SUGCT: variants seen among roughly 807,000 people sequenced by gnomAD.
The protein encoded by SUGCT is succinyl-CoA:glutarate CoA-transferase.
In SUGCT, 41 loss-of-function variants were observed where a neutral mutation model predicts 55.0. The ratio of observed to expected loss-of-function variants is 0.74; its 90% confidence interval spans 0.58 to 0.97. The LOEUF (loss-of-function observed/expected upper bound fraction) is 0.97, where lower values mean the gene tolerates loss of function less well. Ranked by LOEUF, SUGCT falls within the 50% of genes least tolerant of loss-of-function variation. The pLI is 0.00. For synonymous variants in SUGCT, 187 were observed against 200.4 expected, an observed-to-expected ratio of 0.93 and a Z score of 0.56; for missense variants, 568 against 547.8, an observed-to-expected ratio of 1.04 and a Z score of -0.37.
intron 8 of SUGCT, among the ~76,000 whole-genome samples, chr7:40,289,737 A>G (rs1165392822): frequency 6.6e-6 from 1 of 152,180 alleles, no homozygotes; most frequent in Admixed American, 6.5e-5. Context: ...AGATGACATG[A>G]TTGTATATCT....
chr7:40,681,265 G>T (rs1306048874), intron 12 of SUGCT, among the ~76,000 whole-genome samples: 1 of 152,026 alleles, frequency 6.6e-6, no homozygotes, highest in African/African-American at 2.4e-5. Context: ...GGAACTTTCA[G>T]CCCCACTTCC....
intron 11 of SUGCT, among the ~76,000 whole-genome samples, chr7:40,488,659 A>G (rs1194585936): frequency 6.6e-6 from 1 of 152,066 alleles, no homozygotes; most frequent in African/African-American, 2.4e-5. Flanking sequence ...GTAAGGCAGG[A>G]TGGATTTCCT....
intron 1 of SUGCT, among the ~76,000 whole-genome samples, chr7:40,139,989 G>A (rs187943797): frequency 5.9e-4 from 90 of 151,606 alleles, no homozygotes; most frequent in Middle Eastern, 3.4e-3. Context: ...TGCAGCCTCC[G>A]CCTCCTGGGT....
At chr7:40,192,689 T>G (rs1380195903) in intron 5 of SUGCT, among the ~76,000 whole-genome samples, 2 of 148,636 alleles carry the variant, frequency 1.3e-5, no homozygotes, top group African/African-American at 5.0e-5. Flanking sequence ...TAGGGTACAA[T>G]GGTGCGATCT....
chr7:40,417,995 A>G (rs981969061), intron 9 of SUGCT, among the ~76,000 whole-genome samples: 3 of 152,042 alleles, frequency 2.0e-5, no homozygotes, highest in African/African-American at 2.4e-5. Flanking sequence ...TATATTTCAC[A>G]CGAGTCAAAG....
the SUGCT span, among the ~76,000 whole-genome samples, chr7:40,982,705 C>T: frequency 6.6e-6 from 1 of 152,012 alleles, no homozygotes; most frequent in Non-Finnish European, 1.5e-5. Context: ...GGCTAGAGTG[C>T]AGTGGCATGA....
chr7:40,426,326 G>A (rs935487602), intron 9 of SUGCT, among the ~76,000 whole-genome samples: 13 of 152,136 alleles, frequency 8.5e-5, no homozygotes, highest in Non-Finnish European at 1.9e-4. Context: ...TATGGTATAT[G>A]CGTGTCAGCT....
At chr7:40,787,621 G>GCT (rs1790077402) in intron 13 of SUGCT, among the ~76,000 whole-genome samples, 1 of 123,922 alleles carries the variant, frequency 8.1e-6, no homozygotes, top group African/African-American at 3.0e-5. Context: ...CATATTTCAA[G>GCT]CTAGGTATTG....
intron 12 of SUGCT, among the ~76,000 whole-genome samples, chr7:40,695,059 A>G (rs1784859854): frequency 6.6e-6 from 1 of 152,126 alleles, no homozygotes; most frequent in African/African-American, 2.4e-5. Context: ...GGGTATTACA[A>G]TTGCCATCTG....
chr7:40,382,020 T>C (rs926327660), intron 9 of SUGCT, among the ~76,000 whole-genome samples: 1 of 151,974 alleles, frequency 6.6e-6, no homozygotes, highest in Non-Finnish European at 1.5e-5. Context: ...TGTGTCTGTG[T>C]GTGTGTGTGT....
At chr7:40,907,866 A>G in the SUGCT span, among the ~76,000 whole-genome samples, 2 of 152,200 alleles carry the variant, frequency 1.3e-5, no homozygotes, top group Admixed American at 6.5e-5. Context: ...GTAACAAGAA[A>G]AGTTTATTAA....
At chr7:40,491,740 C>T (rs1791695190) in intron 11 of SUGCT, among the ~76,000 whole-genome samples, 1 of 151,976 alleles carries the variant, frequency 6.6e-6, no homozygotes, top group Non-Finnish European at 1.5e-5. Flanking sequence ...CCTGTAATTC[C>T]AGCACTTTGG....
the SUGCT span, among the ~76,000 whole-genome samples, chr7:40,911,099 A>C: frequency 6.6e-6 from 1 of 152,174 alleles, no homozygotes; most frequent in Non-Finnish European, 1.5e-5. Context: ...GACAGGCATA[A>C]CTTTCCATTC....
chr7:40,556,883 A>G (rs1021040172), intron 12 of SUGCT, among the ~76,000 whole-genome samples: 1 of 152,240 alleles, frequency 6.6e-6, no homozygotes, highest in African/African-American at 2.4e-5. Flanking sequence ...AAATGGAAAG[A>G]CATCTTGTGA....
intron 12 of SUGCT, among the ~76,000 whole-genome samples, chr7:40,524,339 C>G (rs746083310): frequency 6.6e-6 from 1 of 152,076 alleles, no homozygotes; most frequent in Admixed American, 6.6e-5. Context: ...TGCCATATAT[C>G]TGATGTCTTT....
At chr7:40,373,138 C>T (rs1784368352) in intron 9 of SUGCT, among the ~76,000 whole-genome samples, 1 of 151,834 alleles carries the variant, frequency 6.6e-6, no homozygotes, top group Non-Finnish European at 1.5e-5. Flanking sequence ...TATCGTACTA[C>T]AAATTCCTAG....
intron 7 of SUGCT, among the ~76,000 whole-genome samples, chr7:40,268,492 T>A (rs1562630003): frequency 1.3e-5 from 2 of 152,226 alleles, no homozygotes; most frequent in Non-Finnish European, 2.9e-5. Context: ...TCTTTTTTGT[T>A]GCCTAAAATA....
At chr7:40,672,354 T>A (rs775631567) in intron 12 of SUGCT, among the ~76,000 whole-genome samples, 1 of 152,128 alleles carries the variant, frequency 6.6e-6, no homozygotes, top group Non-Finnish European at 1.5e-5. Context: ...TATTAAGAGA[T>A]GAAAAGACAA....
chr7:40,261,047 G>T (rs971247732), intron 7 of SUGCT, among the ~76,000 whole-genome samples: 1 of 152,108 alleles, frequency 6.6e-6, no homozygotes, highest in East Asian at 1.9e-4. Context: ...TGAAAAAGTT[G>T]TTATAATTGG....
Sources: gnomAD v4.1 joint callset for allele counts (sites outside exome capture counted in the v4.1 genomes callset) on GRCh38, gnomAD v4.1.1 for gene constraint, MANE v1.5 for transcripts, NCBI Gene and HGNC (gene_info 2026-07-23, HGNC 2026-07-21) for gene names.